Variants in GRXCR1 observed in about 807,000 individuals in gnomAD.
GRXCR1 encodes the protein glutaredoxin and cysteine rich domain containing 1.
In GRXCR1, 27 loss-of-function variants were observed where a neutral mutation model predicts 27.3. The ratio of observed to expected loss-of-function variants is 0.99; its 90% confidence interval spans 0.73 to 1.37. The LOEUF (loss-of-function observed/expected upper bound fraction) is 1.37. Ranked by LOEUF, GRXCR1 falls within the 40% of genes most tolerant of loss-of-function variation. The probability of loss-of-function intolerance (pLI) is 0.00; values close to 1 mark genes in which losing one functional copy is unlikely to be tolerated. For synonymous variants in GRXCR1, 122 were observed against 131.1 expected (o/e 0.93, Z 0.47); for missense variants, 379 against 354.4 (o/e 1.07, Z -0.56).
At chr4:42,998,798 A>T (rs375303456) in intron 2 of GRXCR1, among the ~76,000 whole-genome samples, 5 of 152,294 alleles carry the variant, frequency 3.3e-5, no homozygotes, top group African/African-American at 7.2e-5. Flanking sequence ...CACCTTTTTG[A>T]TCATTCTTCT....
chr4:42,898,849 T>G (rs908620489), intron 1 of GRXCR1, among the ~76,000 whole-genome samples: 1 of 152,096 alleles, frequency 6.6e-6, no homozygotes, highest in African/African-American at 2.4e-5. Context: ...AAATATTATC[T>G]TTTTAGATAT....
At chr4:42,945,587 G>A (rs1195673697) in intron 1 of GRXCR1, among the ~76,000 whole-genome samples, 1 of 152,082 alleles carries the variant, frequency 6.6e-6, no homozygotes, top group African/African-American at 2.4e-5. Context: ...AAGTGGCTGT[G>A]GCATAGAGGT....
At chr4:43,013,977 G>A (rs547705996) in intron 2 of GRXCR1, among the ~76,000 whole-genome samples, 5 of 149,792 alleles carry the variant, frequency 3.3e-5, no homozygotes, top group South Asian at 4.2e-4. Context: ...AAGTGGCTCA[G>A]CACTAATTAT....
intron 1 of GRXCR1, among the ~76,000 whole-genome samples, chr4:42,904,610 T>C (rs10029023): frequency 0.99 from 151,048 of 152,286 alleles, 74,922 homozygotes; most frequent in Middle Eastern, 1. Context: ...ATGGGGATAA[T>C]GGTTGTGACT....
intron 2 of GRXCR1, among the ~76,000 whole-genome samples, chr4:42,973,718 C>G (rs561844999): frequency 1.2e-4 from 19 of 152,218 alleles, no homozygotes; most frequent in South Asian, 6.2e-4. Context: ...AAAGTAGAGG[C>G]AGACATATTT....
intron 1 of GRXCR1, among the ~76,000 whole-genome samples, chr4:42,895,736 T>C (rs1392556096): frequency 1.3e-5 from 2 of 152,152 alleles, no homozygotes; most frequent in African/African-American, 4.8e-5. Context: ...GTGTATGTCA[T>C]TTGGGGTAAT....
chr4:43,002,237 AG>A, intron 2 of GRXCR1, among the ~76,000 whole-genome samples: 1 of 152,420 alleles, frequency 6.6e-6, no homozygotes, highest in South Asian at 2.1e-4. Flanking sequence ...GGGGACAGTC[AG>A]GTCTTTCTCA....
chr4:42,932,954 C>A (rs542212107), intron 1 of GRXCR1, among the ~76,000 whole-genome samples: 38 of 151,626 alleles, frequency 2.5e-4, no homozygotes, highest in African/African-American at 8.2e-4. Context: ...GAAAGGAGGT[C>A]AGTGCAGGGA....
At chr4:42,914,860 T>C (rs956903242) in intron 1 of GRXCR1, among the ~76,000 whole-genome samples, 1 of 152,122 alleles carries the variant, frequency 6.6e-6, no homozygotes, top group Non-Finnish European at 1.5e-5. Flanking sequence ...GTTCTCATGA[T>C]AGTGAGTGAG....
At chr4:42,937,756 C>A (rs1001946119) in intron 1 of GRXCR1, among the ~76,000 whole-genome samples, 14 of 151,770 alleles carry the variant, frequency 9.2e-5, no homozygotes, top group Admixed American at 9.2e-4. Flanking sequence ...ACATGTATAG[C>A]AATTGTAACA....
chr4:43,013,611 T>G (rs192775220), intron 2 of GRXCR1, among the ~76,000 whole-genome samples: 4 of 152,220 alleles, frequency 2.6e-5, no homozygotes, highest in Non-Finnish European at 2.9e-5. Flanking sequence ...AACCTGCACA[T>G]GTACCCCTGA....
intron 1 of GRXCR1, among the ~76,000 whole-genome samples, chr4:42,950,371 C>A (rs1747854335): frequency 1.3e-5 from 2 of 152,092 alleles, no homozygotes; most frequent in African/African-American, 2.4e-5. Context: ...CGCTGCCTGG[C>A]TTTTAACTGT....
At chr4:42,893,734 C>T (rs535122600) in intron 1 of GRXCR1, 84 bp downstream of exon 1, 135 of 1,352,624 alleles carry the variant, frequency 1.0e-4, no homozygotes, top group Admixed American at 1.7e-5. Context: ...TAAAGCAAGC[C>T]TCTCTTATTT....
intron 2 of GRXCR1, among the ~76,000 whole-genome samples, chr4:43,015,878 C>T (rs1712915988): frequency 6.6e-6 from 1 of 151,674 alleles, no homozygotes; most frequent in African/African-American, 2.4e-5. Flanking sequence ...TATTTTTAGT[C>T]CTTCTGGGCT....
intron 1 of GRXCR1, among the ~76,000 whole-genome samples, chr4:42,906,027 T>G (rs1746581915): frequency 6.6e-6 from 1 of 152,224 alleles, no homozygotes; most frequent in African/African-American, 2.4e-5. Flanking sequence ...TCTCATTTCA[T>G]GAACTGTGTA....
chr4:42,922,472 G>A (rs1747036855), intron 1 of GRXCR1, among the ~76,000 whole-genome samples: 1 of 152,158 alleles, frequency 6.6e-6, no homozygotes, highest in African/African-American at 2.4e-5. Context: ...TCACGAAGAA[G>A]CCCATGAGGC....
chr4:43,011,175 A>C (rs1403573509), intron 2 of GRXCR1, among the ~76,000 whole-genome samples: 2 of 152,184 alleles, frequency 1.3e-5, no homozygotes, highest in Admixed American at 1.3e-4. Context: ...TCGACCACAA[A>C]AGAGTGAAAT....
chr4:42,968,105 C>T (rs1028400531), intron 2 of GRXCR1, among the ~76,000 whole-genome samples: 2 of 152,070 alleles, frequency 1.3e-5, no homozygotes, highest in East Asian at 3.9e-4. Flanking sequence ...GCTCTTTACT[C>T]TCTAAAACTC....
At chr4:42,978,704 T>C (rs1014985584) in intron 2 of GRXCR1, among the ~76,000 whole-genome samples, 1 of 152,092 alleles carries the variant, frequency 6.6e-6, no homozygotes, top group Non-Finnish European at 1.5e-5. Context: ...ATTAGAGTTT[T>C]TTAACAGCAA....
Sources: allele counts gnomAD v4.1 joint callset (sites outside exome capture counted in the v4.1 genomes callset), GRCh38; gene constraint gnomAD v4.1.1; transcripts MANE v1.5; gene names NCBI Gene and HGNC (gene_info 2026-07-23, HGNC 2026-07-21).